OGDHL: variants seen among roughly 807,000 people sequenced by gnomAD.
OGDHL encodes the protein 2-oxoglutarate dehydrogenase-like, mitochondrial.
OGDHL carries 79 observed loss-of-function variants against 109.6 expected under a neutral mutation model. That is an observed-to-expected ratio of 0.72 (90% CI 0.60 to 0.87). The LOEUF (loss-of-function observed/expected upper bound fraction) is 0.87, where lower values mean the gene tolerates loss of function less well. Among genes scored for constraint, OGDHL ranks in the 40% least tolerant of loss-of-function variants. The pLI is 0.00. For missense variants in OGDHL, 1,275 were observed against 1,362.2 expected (o/e 0.94, Z 1.01); for synonymous variants, 528 against 537.2 (o/e 0.98, Z 0.24).
At chr10:49,753,076 G>A (rs767082442) in intron 3 of OGDHL, among the ~76,000 whole-genome samples, 21 of 152,236 alleles carry the variant, frequency 1.4e-4, no homozygotes, top group East Asian at 3.9e-4. Context: ...GGATATGGGC[G>A]ATCCACACAG....
chr10:49,758,614 A>C, intron 1 of OGDHL, 21 bp from the exon 2 acceptor site: 1 of 1,612,188 alleles, frequency 6.2e-7, no homozygotes, highest in Non-Finnish European at 8.5e-7. Flanking sequence ...GCAATGAAGG[A>C]GAGGCATAAA....
chr10:49,752,788 G>C (rs1842693056), intron 3 of OGDHL, 48 bp from the exon 4 acceptor site: 1 of 1,365,072 alleles, frequency 7.3e-7, no homozygotes, highest in Non-Finnish European at 1.0e-6. Context: ...CAGCTGGACA[G>C]ACCTCCTCCA....
chr10:49,740,792 C>G lies in OGDHL; in HGVS notation c.2058G>C (p.Thr686=). Residue 686 remains threonine, a synonymous_variant, in exon 16 of 23, where the codon ACG becomes ACC. Transcript: ENST00000374103. ...VLHDQEVDRR[T]CVPMNHLWPD... Reference sequence around the variant, plus strand: ...GCCAGAGATGATTCATAGGCACACACGTCCTGCGGTCAACCTCCTGGTCAT... The same window carrying G: ...GCCAGAGATGATTCATAGGCACACAGGTCCTGCGGTCAACCTCCTGGTCAT... 6.2e-7 allele frequency: 1 copy of G among 1,613,954 alleles called. No homozygotes were observed. Among genetic ancestry groups the G allele is most frequent in the Non-Finnish European group, 8.5e-7 (1 of 1,179,854 alleles).
chr10:49,756,746 CT>C, intron 3 of OGDHL, 29 bp downstream of exon 3: 3 of 1,599,804 alleles, frequency 1.9e-6, no homozygotes, highest in Non-Finnish European at 2.6e-6. Context: ...CCAGTGCAGC[CT>C]CCCAGGCTGT....
intron 15 of OGDHL, 90 bp from the exon 16 acceptor site, chr10:49,740,927 G>C: frequency 1.3e-6 from 2 of 1,529,302 alleles, no homozygotes; most frequent in Non-Finnish European, 1.8e-6. Context: ...CAGGAGGCAG[G>C]CAAGCCTCCG....
chr10:49,755,377 T>C (rs1842857217), intron 3 of OGDHL, among the ~76,000 whole-genome samples: 1 of 152,174 alleles, frequency 6.6e-6, no homozygotes, highest in Admixed American at 6.5e-5. Flanking sequence ...TCTCTAGACA[T>C]ACACAAAGAA....
Position 49,736,137 on chromosome 10 carries a change from T to G in OGDHL, c.2795A>C (p.Glu932Ala). ...FPFDLIKQEA[E>A]KYPGAELAWC... ...GGCCAGCTCCGCACCTGGGTACTTC[T>G]CTGCCTCCTGCTTGATCAGGTCGAA... Residue 932 changes from glutamate (E) to alanine (A), a missense_variant, in exon 22 of 23, where the codon GAG (glutamate) becomes GCG (alanine). Transcript: ENST00000374103. 6.2e-7 allele frequency: 1 copy of G among 1,609,832 alleles called. No individual in the cohort carries two copies. The highest frequency in any genetic ancestry group is 2.2e-5 in the East Asian group (1 of 44,864).
chr10:49,738,414 T>C, intron 17 of OGDHL, 152 bp from the exon 18 acceptor site: 3 of 709,972 alleles, frequency 4.2e-6, no homozygotes, highest in Non-Finnish European at 7.0e-6. Context: ...GAACCAAGAA[T>C]GTGGAACAAG....
Position 49,746,804 on chromosome 10 carries a change from G to C in OGDHL, c.1242C>G (p.Ser414Arg), listed in dbSNP as rs75974530. Residue 414 changes from serine (S) to arginine (R), a missense_variant, in exon 10 of 23, where the codon AGC becomes AGG. By Grantham distance (110) the Ser-to-Arg change is moderately radical (BLOSUM62 -1). Transcript: ENST00000374103. ...QGVVYETFHL[S>R]DLPSYTTNGT... ...CATTGGTCGTGTAGGAGGGCAGGTC[G>C]CTCAGGTGGAAGGTCTCATATACCA... 2 of 1,614,098 alleles carry C rather than the reference G, an allele frequency of 1.2e-6. No individual in the cohort carries two copies. The highest frequency in any genetic ancestry group is 1.7e-6 in the Non-Finnish European group (2 of 1,180,022).
In OGDHL at chr10:49,735,287, G is replaced by T. The variant is rs753561309; in HGVS notation, c.2974C>A (p.Leu992Met). The change falls in exon 23 of 23, where the codon CTG becomes ATG. Residue 992 changes from leucine (L) to methionine (M), a missense_variant. Coordinates refer to ENST00000374103, the MANE Select transcript of OGDHL (RefSeq NM_018245.3). The stretch of plus-strand genomic sequence containing the variant: ...AAGGCAGTATCCAGAAACTTCTTCA[G>T]TGACACCAGGTGAGTGTTCCTGTTT... ...TGNRNTHLVS[L>M]KKFLDTAFNL... 6.2e-7 allele frequency: 1 copy of T among 1,614,170 alleles called. No homozygotes were observed. Among genetic ancestry groups the T allele is most frequent in the African/African-American group, 1.3e-5 (1 of 75,062 alleles).
chr10:49,739,441 A>T, intron 17 of OGDHL: 1 of 515,136 alleles, frequency 1.9e-6, no homozygotes, highest in Non-Finnish European at 3.4e-6. Flanking sequence ...GGCGCACAGC[A>T]AGCACTCATA....
chr10:49,745,392 G>A lies in OGDHL; in HGVS notation c.1581C>T (p.Tyr527=), dbSNP rs564954722. 33 of 1,613,958 alleles carry A rather than the reference G, an allele frequency of 2.0e-5. No homozygotes were observed. In the African/African-American group the frequency reaches 2.3e-4, roughly 11 times the overall value. Residue 527 remains tyrosine (Y), a synonymous_variant, in exon 12 of 23, where the codon TAC becomes TAT. Transcript: ENST00000374103. The part of the protein sequence containing the change: ...IHRQVPVLKK[Y]ADKLIAEGTV... ...TGCCCTCGGCAATCAGCTTGTCTGC[G>A]TACTTCTTCAGCACAGGCACCTGTC...
At chr10:49,739,514 G>T in intron 17 of OGDHL, 147 bp downstream of exon 17, 1 of 913,536 alleles carries the variant, frequency 1.1e-6, no homozygotes, top group Non-Finnish European at 1.6e-6. Context: ...GCATGCACAT[G>T]TGCAGACCCC....
At position 49,742,952 on chromosome 10, in the gene OGDHL, C is replaced by A; in HGVS notation, c.1888G>T (p.Ala630Ser). The A allele has an allele frequency of 6.2e-7, 1 of 1,613,730 alleles. No homozygotes were observed. The highest frequency in any genetic ancestry group is 1.3e-5 in the African/African-American group (1 of 75,072). The change falls in exon 15 of 23, where the codon GCG becomes TCG. Residue 630 changes from alanine (A) to serine (S), a missense_variant. Coordinates refer to ENST00000374103, the MANE Select transcript of OGDHL (RefSeq NM_018245.3). ...ACCGTCCGGTTCTTGGTCATGTCCG[C>A]ACGGCCCCGCAGAATGCGAGAGAGG... ...TGLSRILRGR[A>S]DMTKNRTVDW...
chr10:49,742,080 A>ACACAGAC (rs1841737104), intron 15 of OGDHL, among the ~76,000 whole-genome samples: 1 of 61,930 alleles, frequency 1.6e-5, no homozygotes, highest in Admixed American at 2.1e-4. Context: ...CACACACCCC[A>ACACAGAC]CACATACCAC....
intron 3 of OGDHL, among the ~76,000 whole-genome samples, chr10:49,755,939 G>A (rs756387886): frequency 2.6e-5 from 4 of 152,188 alleles, no homozygotes; most frequent in Non-Finnish European, 4.4e-5. Context: ...TTGCTCCTAG[G>A]TGGCCCACAA....
chr10:49,735,436 C>T (rs575237814), intron 22 of OGDHL, 85 bp from the exon 23 acceptor site: 122 of 1,503,772 alleles, frequency 8.1e-5, no homozygotes, highest in Non-Finnish European at 1.0e-4. Flanking sequence ...GCAGGGGGCA[C>T]GCATCTGAGA....
In OGDHL at chr10:49,744,013, C is replaced by G. The variant is rs1184998687; in HGVS notation, c.1842G>C (p.Glu614Asp). The change falls in exon 14 of 23, where the codon GAG (glutamate) becomes GAC (aspartate). Residue 614 changes from glutamate (E) to aspartate (D), a missense_variant. Coordinates refer to ENST00000374103, the MANE Select transcript of OGDHL (RefSeq NM_018245.3). Reference protein sequence around the residue: ...IGSVASSVPLEDFKIHTGLSR... With the variant: ...IGSVASSVPLDDFKIHTGLSR... ...CCTCACCAGTGTGGATCTTAAAGTC[C>G]TCCAGGGGCACAGAGCTGGCCACAC... The G allele has an allele frequency of 2.0e-5, 32 of 1,613,894 alleles. No individual in the cohort carries two copies. Among genetic ancestry groups the G allele is most frequent in the Non-Finnish European group, 2.6e-5 (31 of 1,179,944 alleles).
At chr10:49,744,586 C>T in intron 13 of OGDHL, 64 bp downstream of exon 13, 1 of 1,308,958 alleles carries the variant, frequency 7.6e-7, no homozygotes, top group East Asian at 2.3e-5. Context: ...CATTCCAGTC[C>T]TGATCCCAGT....
Sources: allele counts gnomAD v4.1 joint callset (sites outside exome capture counted in the v4.1 genomes callset), GRCh38; gene constraint gnomAD v4.1.1; transcripts MANE v1.5; gene names NCBI Gene and HGNC (gene_info 2026-07-23, HGNC 2026-07-21).